Variants in CERS6 observed in about 807,000 individuals in gnomAD.
CERS6 encodes the protein LAG1 homolog, ceramide synthase 6.
Under a neutral mutation model 56.8 loss-of-function variants are expected in CERS6, and 26 were observed. The observed-to-expected ratio is 0.46, with a 90% confidence interval of 0.34 to 0.63. The LOEUF (loss-of-function observed/expected upper bound fraction) is 0.63, where lower values mean the gene tolerates loss of function less well. Among genes scored for constraint, CERS6 ranks in the 30% least tolerant of loss-of-function variants. The probability of loss-of-function intolerance (pLI) is 0.01; values close to 1 mark genes in which losing one functional copy is unlikely to be tolerated. For missense variants in CERS6, 415 were observed against 467.5 expected, an observed-to-expected ratio of 0.89 and a Z score of 1.04; for synonymous variants, 164 against 173.3, an observed-to-expected ratio of 0.95 and a Z score of 0.42.
intron 4 of CERS6, among the ~76,000 whole-genome samples, chr2:168,651,721 C>G (rs1474811538): frequency 1.3e-5 from 2 of 152,210 alleles, no homozygotes; most frequent in African/African-American, 4.8e-5. Flanking sequence ...GATCCAATCA[C>G]TTCCCACCAG....
intron 4 of CERS6, among the ~76,000 whole-genome samples, chr2:168,640,300 C>A (rs919338306): frequency 6.6e-6 from 1 of 152,192 alleles, no homozygotes; most frequent in African/African-American, 2.4e-5. Flanking sequence ...ACAAAGCAGT[C>A]CCTGCATGTT....
chr2:168,540,235 A>T (rs1695342663), intron 1 of CERS6, among the ~76,000 whole-genome samples: 1 of 150,744 alleles, frequency 6.6e-6, no homozygotes, highest in Non-Finnish European at 1.5e-5. Context: ...GTTGGAGGGG[A>T]CTCTACATAT....
intron 1 of CERS6, among the ~76,000 whole-genome samples, chr2:168,545,616 A>T (rs1254043679): frequency 6.6e-6 from 1 of 152,154 alleles, no homozygotes; most frequent in Admixed American, 6.5e-5. Context: ...CAGGGCACAC[A>T]GAGAATGTCT....
At chr2:168,517,724 C>CA (rs1558980863) in intron 1 of CERS6, among the ~76,000 whole-genome samples, 1 of 151,832 alleles carries the variant, frequency 6.6e-6, no homozygotes, top group Non-Finnish European at 1.5e-5. Context: ...AAAAATCCTG[C>CA]AAAATTTTTT....
chr2:168,760,766 A>ATTTATTTATTTATTTT (rs1224521892), intron 8 of CERS6, among the ~76,000 whole-genome samples: 6 of 127,236 alleles, frequency 4.7e-5, no homozygotes, highest in African/African-American at 1.5e-4. Context: ...TTATTTATTT[A>ATTTATTTATTTATTTT]TTTTTTTGAG....
At chr2:168,725,066 C>T (rs1290167550) in intron 8 of CERS6, among the ~76,000 whole-genome samples, 5 of 152,356 alleles carry the variant, frequency 3.3e-5, no homozygotes, top group East Asian at 1.9e-4. Flanking sequence ...TAAGGCCCAG[C>T]GAGAAATCGA....
intron 1 of CERS6, among the ~76,000 whole-genome samples, chr2:168,544,814 G>T (rs1255481305): frequency 6.6e-6 from 1 of 152,136 alleles, no homozygotes; most frequent in Non-Finnish European, 1.5e-5. Context: ...ACAGTTGGAT[G>T]GAGGGTAAAC....
intron 3 of CERS6, among the ~76,000 whole-genome samples, chr2:168,576,290 T>C (rs1243609873): frequency 6.6e-6 from 1 of 152,224 alleles, no homozygotes; most frequent in East Asian, 1.9e-4. Context: ...CTGCAGACTG[T>C]AAATTCCTTC....
chr2:168,582,583 A>C (rs993536484), intron 3 of CERS6, among the ~76,000 whole-genome samples: 1 of 152,202 alleles, frequency 6.6e-6, no homozygotes, highest in African/African-American at 2.4e-5. Flanking sequence ...CTGAAAAAAA[A>C]ACGCGTGCTA....
intron 3 of CERS6, among the ~76,000 whole-genome samples, chr2:168,593,325 A>T (rs1365377957): frequency 1.3e-5 from 2 of 152,202 alleles, no homozygotes; most frequent in Non-Finnish European, 2.9e-5. Flanking sequence ...TGCCTGCCAC[A>T]TCATTTGACC....
intron 8 of CERS6, among the ~76,000 whole-genome samples, chr2:168,745,423 A>G (rs1684070476): frequency 3.9e-5 from 6 of 152,044 alleles, no homozygotes; most frequent in Admixed American, 3.3e-4. Flanking sequence ...TTGTATTTTT[A>G]GTAGAGACGG....
At chr2:168,740,592 G>C (rs978401512) in intron 8 of CERS6, among the ~76,000 whole-genome samples, 1 of 152,188 alleles carries the variant, frequency 6.6e-6, no homozygotes, top group African/African-American at 2.4e-5. Flanking sequence ...CTTCTTCCCT[G>C]ATGAATGACT....
chr2:168,600,929 C>T (rs926503036), intron 3 of CERS6, among the ~76,000 whole-genome samples: 1 of 152,092 alleles, frequency 6.6e-6, no homozygotes, highest in African/African-American at 2.4e-5. Context: ...TTCTATTTAC[C>T]AATAAACTAC....
chr2:168,599,988 A>G (rs1168462499), intron 3 of CERS6, among the ~76,000 whole-genome samples: 2 of 152,092 alleles, frequency 1.3e-5, no homozygotes, highest in African/African-American at 4.8e-5. Flanking sequence ...TTGACTGATG[A>G]TATGGTTACA....
At chr2:168,610,183 TG>T (rs1684152560) in intron 3 of CERS6, among the ~76,000 whole-genome samples, 1 of 152,084 alleles carries the variant, frequency 6.6e-6, no homozygotes, top group Non-Finnish European at 1.5e-5. Context: ...TTCACCATGT[TG>T]GCCAGGATGG....
chr2:168,471,739 G>C (rs1454167528), intron 1 of CERS6, among the ~76,000 whole-genome samples: 1 of 152,160 alleles, frequency 6.6e-6, no homozygotes, highest in African/African-American at 2.4e-5. Context: ...TTTCCTTTCA[G>C]ATTGTCTAAA....
intron 8 of CERS6, among the ~76,000 whole-genome samples, chr2:168,719,385 T>C (rs1687305288): frequency 6.6e-6 from 1 of 152,206 alleles, no homozygotes; most frequent in Admixed American, 6.5e-5. Context: ...TTATACATTA[T>C]AGCAGATATA....
At chr2:168,573,799 G>A (rs1041435762) in intron 3 of CERS6, among the ~76,000 whole-genome samples, 1 of 152,102 alleles carries the variant, frequency 6.6e-6, no homozygotes, top group African/African-American at 2.4e-5. Context: ...GGCCCCAATA[G>A]TAGGAGTGGT....
intron 3 of CERS6, among the ~76,000 whole-genome samples, chr2:168,621,939 C>T (rs536407140): frequency 2.6e-5 from 4 of 152,228 alleles, no homozygotes; most frequent in South Asian, 2.1e-4. Flanking sequence ...AGTCATATGA[C>T]GTTTCTAAGT....
Sources: allele counts gnomAD v4.1 joint callset (sites outside exome capture counted in the v4.1 genomes callset), GRCh38; gene constraint gnomAD v4.1.1; transcripts MANE v1.5; gene names NCBI Gene and HGNC (gene_info 2026-07-23, HGNC 2026-07-21).